Variants in LRRTM4 observed in about 807,000 individuals in gnomAD.
LRRTM4 encodes the protein leucine rich repeat transmembrane neuronal 4.
In LRRTM4, 25 loss-of-function variants were observed where a neutral mutation model predicts 47.6. The observed-to-expected ratio is 0.53, with a 90% CI of 0.38 to 0.73. The LOEUF (loss-of-function observed/expected upper bound fraction) is 0.73, where lower values mean the gene tolerates loss of function less well. LRRTM4 is among the 30% of genes least tolerant of loss of function. LRRTM4 has a pLI of 0.00. For synonymous variants in LRRTM4, 311 were observed against 269.5 expected (o/e 1.15, Z -1.51); for missense variants, 638 against 713.4 (o/e 0.89, Z 1.20).
intron 3 of LRRTM4, among the ~76,000 whole-genome samples, chr2:76,949,080 G>C (rs1362195549): frequency 6.7e-6 from 1 of 149,352 alleles, no homozygotes; most frequent in Non-Finnish European, 1.5e-5. Flanking sequence ...AAGAGAAATA[G>C]AGTGCTTTGG....
intron 3 of LRRTM4, among the ~76,000 whole-genome samples, chr2:77,341,395 G>A (rs1435593250): frequency 1.3e-5 from 2 of 151,768 alleles, no homozygotes; most frequent in Non-Finnish European, 2.9e-5. Flanking sequence ...CATTTTCCTG[G>A]TGAACTCTGC....
chr2:77,190,402 C>A (rs971829049), intron 3 of LRRTM4, among the ~76,000 whole-genome samples: 1 of 149,650 alleles, frequency 6.7e-6, no homozygotes, highest in African/African-American at 2.5e-5. Flanking sequence ...TCAAGCAATT[C>A]TCTTGCCTCA....
chr2:77,002,493 C>T (rs1231164727), intron 3 of LRRTM4, among the ~76,000 whole-genome samples: 1 of 152,138 alleles, frequency 6.6e-6, no homozygotes, highest in East Asian at 1.9e-4. Flanking sequence ...TAATCTGACA[C>T]CATTGTTAAC....
chr2:77,161,176 G>T (rs999461912), intron 3 of LRRTM4, among the ~76,000 whole-genome samples: 1 of 152,136 alleles, frequency 6.6e-6, no homozygotes, highest in Non-Finnish European at 1.5e-5. Context: ...GCTTGCCATA[G>T]TAACCAGCAG....
chr2:77,019,410 A>T (rs1047643737), intron 3 of LRRTM4, among the ~76,000 whole-genome samples: 23 of 152,072 alleles, frequency 1.5e-4, no homozygotes, highest in African/African-American at 5.6e-4. Context: ...CAGAATCATG[A>T]GGTTTTAATC....
At chr2:77,104,654 C>T (rs986248223) in intron 3 of LRRTM4, among the ~76,000 whole-genome samples, 10 of 152,152 alleles carry the variant, frequency 6.6e-5, no homozygotes, top group Non-Finnish European at 1.5e-4. Flanking sequence ...TCCGACAGAC[C>T]TGAATATTGA....
chr2:77,299,195 G>T (rs549201151), intron 3 of LRRTM4, among the ~76,000 whole-genome samples: 1 of 151,784 alleles, frequency 6.6e-6, no homozygotes, highest in Admixed American at 6.6e-5. Flanking sequence ...GCTTTAGTAA[G>T]AAGGAAGAGA....
chr2:77,518,514 G>T lies in LRRTM4; in HGVS notation c.1355C>A (p.Ala452Asp), dbSNP rs1428012156. The T allele has an allele frequency of 3.7e-6, 6 of 1,613,336 alleles. No homozygotes were observed. Among genetic ancestry groups the T allele is most frequent in the Non-Finnish European group, 5.1e-6 (6 of 1,179,610 alleles). Residue 452 changes from alanine (A) to aspartate (D), a missense_variant, in exon 3 of 4, where the codon GCC becomes GAC. By Grantham distance (126) the Ala-to-Asp change is moderately radical. Transcript: ENST00000409884. ...VIYVSWKRYP[A>D]SMKQLQQHSL... is the part of the protein sequence containing the mutation. ...GTGTTGCTGGAGTTGTTTCATGCTG[G>T]CTGGGTAGCGTTTCCAAGACACATA...
intron 3 of LRRTM4, among the ~76,000 whole-genome samples, chr2:77,090,747 C>T (rs1206579726): frequency 2.6e-5 from 4 of 152,132 alleles, no homozygotes; most frequent in African/African-American, 9.7e-5. Context: ...CACTGGAAAT[C>T]GGACTGTTCA....
At chr2:76,851,382 G>A (rs1466182005) in intron 3 of LRRTM4, among the ~76,000 whole-genome samples, 9 of 152,176 alleles carry the variant, frequency 5.9e-5, no homozygotes, top group Admixed American at 4.6e-4. Context: ...AAATAGCAGG[G>A]GTTTTGCTGC....
chr2:77,243,739 T>C (rs1675340181), intron 3 of LRRTM4, among the ~76,000 whole-genome samples: 1 of 150,466 alleles, frequency 6.6e-6, no homozygotes, highest in Non-Finnish European at 1.5e-5. Flanking sequence ...TAAAAAGGGA[T>C]AATTGATACC....
intron 3 of LRRTM4, among the ~76,000 whole-genome samples, chr2:77,074,068 T>C (rs1363173970): frequency 2.6e-5 from 4 of 152,224 alleles, no homozygotes; most frequent in African/African-American, 9.6e-5. Context: ...TTATAAATTT[T>C]CAATATTGCA....
At chr2:77,464,906 C>A (rs1030121164) in intron 3 of LRRTM4, among the ~76,000 whole-genome samples, 7 of 152,112 alleles carry the variant, frequency 4.6e-5, no homozygotes, top group Non-Finnish European at 8.8e-5. Flanking sequence ...TGATTGAAAA[C>A]ACAGCTCTTT....
intron 3 of LRRTM4, among the ~76,000 whole-genome samples, chr2:76,803,148 A>G (rs941109774): frequency 6.6e-6 from 1 of 152,158 alleles, no homozygotes; most frequent in African/African-American, 2.4e-5. Flanking sequence ...ATAGCCAGGG[A>G]CAGAGTGAAG....
chr2:76,786,719 T>C (rs1439936584), intron 3 of LRRTM4, among the ~76,000 whole-genome samples: 2 of 152,078 alleles, frequency 1.3e-5, no homozygotes, highest in African/African-American at 4.8e-5. Flanking sequence ...TCCCTTTCAA[T>C]TTGTTTATAT....
intron 3 of LRRTM4, among the ~76,000 whole-genome samples, chr2:76,817,618 G>A (rs774194871): frequency 6.6e-6 from 1 of 151,990 alleles, no homozygotes; most frequent in Non-Finnish European, 1.5e-5. Flanking sequence ...CTTGGCACCA[G>A]AAGTTCTGGG....
chr2:77,310,221 T>A (rs911922589), intron 3 of LRRTM4, among the ~76,000 whole-genome samples: 1 of 152,106 alleles, frequency 6.6e-6, no homozygotes. Flanking sequence ...ACCATAATGT[T>A]GACAATGGCT....
chr2:77,191,846 T>C (rs2103880126), intron 3 of LRRTM4, among the ~76,000 whole-genome samples: 1 of 152,126 alleles, frequency 6.6e-6, no homozygotes, highest in African/African-American at 2.4e-5. Context: ...TAGGTAAACA[T>C]AACTTTTTCT....
chr2:77,325,222 T>A (rs1670715792), intron 3 of LRRTM4, among the ~76,000 whole-genome samples: 1 of 152,126 alleles, frequency 6.6e-6, no homozygotes, highest in Admixed American at 6.6e-5. Flanking sequence ...AATCCCTGTA[T>A]CAGCCTCTGG....
Sources: gnomAD v4.1 joint callset for allele counts (sites outside exome capture counted in the v4.1 genomes callset) on GRCh38, gnomAD v4.1.1 for gene constraint, MANE v1.5 for transcripts, NCBI Gene and HGNC (gene_info 2026-07-23, HGNC 2026-07-21) for gene names.